SESN1: variants seen among roughly 807,000 people sequenced by gnomAD.
The protein encoded by SESN1 is sestrin 1.
Under a neutral mutation model 59.3 loss-of-function variants are expected in SESN1, and 30 were observed. The observed-to-expected ratio is 0.51, with a 90% confidence interval of 0.38 to 0.69. SESN1 has a LOEUF of 0.69. Among genes scored for constraint, SESN1 ranks in the 30% least tolerant of loss-of-function variants. SESN1 has a pLI of 0.00. For synonymous variants in SESN1, 197 were observed against 219.9 expected (o/e 0.90, Z 0.92); for missense variants, 566 against 673.0 (o/e 0.84, Z 1.76).
chr6:109,082,425 T>C (rs1781139231), intron 1 of SESN1, among the ~76,000 whole-genome samples: 1 of 152,220 alleles, frequency 6.6e-6, no homozygotes, highest in South Asian at 2.1e-4. Context: ...TTATGTAACT[T>C]GCCCAGTCAC....
At chr6:108,988,198 A>G (rs1779253556) in intron 9 of SESN1, among the ~76,000 whole-genome samples, 1 of 152,162 alleles carries the variant, frequency 6.6e-6, no homozygotes, top group African/African-American at 2.4e-5. Flanking sequence ...CAGAATAGCA[A>G]CTTCCCCTGC....
At chr6:109,001,729 CAG>C (rs1779630103) in intron 2 of SESN1, among the ~76,000 whole-genome samples, 7 of 152,138 alleles carry the variant, frequency 4.6e-5, no homozygotes, top group Admixed American at 4.6e-4. Context: ...AGGCTGCTTG[CAG>C]AGTTGGCCAG....
intron 1 of SESN1, among the ~76,000 whole-genome samples, chr6:109,077,473 G>A (rs1220228997): frequency 6.6e-6 from 1 of 152,186 alleles, no homozygotes; most frequent in East Asian, 1.9e-4. Context: ...GCAGGGAAAT[G>A]AGACTTCAGA....
intron 1 of SESN1, among the ~76,000 whole-genome samples, chr6:109,047,376 C>G (rs1780467666): frequency 7.3e-6 from 1 of 136,652 alleles, no homozygotes; most frequent in Non-Finnish European, 1.6e-5. Context: ...GCCAGCCGCC[C>G]CGTCCGGGAG....
rs757828546 is a variant in SESN1, at chr6:109,094,052, C to T, written c.22G>A (p.Val8Met). 31 of 1,613,636 alleles carry T rather than the reference C, an allele frequency of 1.9e-5. 1 individual carries two copies. In the South Asian group the frequency reaches 3.4e-4, roughly 18 times the overall value. ...CTGCTGCAGAGTCCATCCCATCTCA[C>T]TTCATTCTCTCCTTCAGCCATGACA... MAEGENEVRWDGLCSRDS... is the reference protein window; with the variant it reads MAEGENEMRWDGLCSRDS... Residue 8 changes from valine to methionine, a missense_variant, in exon 1 of 10, where the codon GTG (valine) becomes ATG (methionine). Physicochemically the swap from Val to Met is conservative, Grantham distance 21. Transcript: ENST00000436639.
intron 1 of SESN1, among the ~76,000 whole-genome samples, chr6:109,070,549 A>C (rs937913118): frequency 4.3e-4 from 65 of 152,192 alleles, no homozygotes; most frequent in Non-Finnish European, 8.7e-4. Flanking sequence ...GCCAGGGCCC[A>C]CCAGTTGAAA....
intron 1 of SESN1, among the ~76,000 whole-genome samples, chr6:109,048,062 C>T (rs1780481337): frequency 6.7e-6 from 1 of 149,478 alleles, no homozygotes. Context: ...CCAAATCCCC[C>T]TCTGTGAGAA....
At chr6:109,017,995 C>A (rs1035837572) in intron 1 of SESN1, among the ~76,000 whole-genome samples, 3 of 152,108 alleles carry the variant, frequency 2.0e-5, no homozygotes, top group Non-Finnish European at 4.4e-5. Context: ...GGCGAGAACC[C>A]TGTCTCTTTC....
At chr6:109,068,105 G>C (rs1183005135) in intron 1 of SESN1, among the ~76,000 whole-genome samples, 1 of 152,030 alleles carries the variant, frequency 6.6e-6, no homozygotes, top group Non-Finnish European at 1.5e-5. Context: ...CTGAAGTTTG[G>C]GGGGGACAGT....
At chr6:109,006,379 A>C (rs1583268598) in intron 1 of SESN1, among the ~76,000 whole-genome samples, 1 of 152,144 alleles carries the variant, frequency 6.6e-6, no homozygotes, top group East Asian at 1.9e-4. Flanking sequence ...TGCATGTGCC[A>C]TGTTGGTTTG....
chr6:109,054,809 G>T (rs1327856363), intron 1 of SESN1, among the ~76,000 whole-genome samples: 2 of 151,958 alleles, frequency 1.3e-5, no homozygotes, highest in Non-Finnish European at 2.9e-5. Flanking sequence ...CCAACTTGTG[G>T]TTTATATTTT....
At chr6:108,998,842 ACATGAGTCAT>A in intron 4 of SESN1, 87 bp from the exon 5 acceptor site, 1 of 1,418,864 alleles carries the variant, frequency 7.0e-7, no homozygotes, top group South Asian at 1.4e-5. Flanking sequence ...TTTATTGAAA[ACATGAGTCAT>A]CATACAAAGC....
chr6:109,073,467 A>G (rs1019068595), intron 1 of SESN1, among the ~76,000 whole-genome samples: 10 of 152,222 alleles, frequency 6.6e-5, no homozygotes, highest in East Asian at 1.9e-4. Flanking sequence ...CTTTAAAAAC[A>G]TAAGTGTTGT....
At chr6:109,081,579 C>G (rs1158662711) in intron 1 of SESN1, among the ~76,000 whole-genome samples, 1 of 152,134 alleles carries the variant, frequency 6.6e-6, no homozygotes, top group African/African-American at 2.4e-5. Context: ...TTCTTGTTTT[C>G]AAAAGCATAC....
At chr6:109,011,052 T>C (rs1779849477) in intron 1 of SESN1, among the ~76,000 whole-genome samples, 1 of 152,244 alleles carries the variant, frequency 6.6e-6, no homozygotes, top group Non-Finnish European at 1.5e-5. Context: ...TGAGGTATGA[T>C]TTTATTTCTG....
At chr6:109,082,378 G>A (rs961374595) in intron 1 of SESN1, among the ~76,000 whole-genome samples, 3 of 152,086 alleles carry the variant, frequency 2.0e-5, no homozygotes, top group African/African-American at 7.2e-5. Flanking sequence ...AGTAAGCATT[G>A]CTCATAACTC....
At chr6:109,017,675 A>G (rs1050969339) in intron 1 of SESN1, among the ~76,000 whole-genome samples, 3 of 152,170 alleles carry the variant, frequency 2.0e-5, no homozygotes, top group African/African-American at 7.2e-5. Context: ...ACTTACATAA[A>G]TCATACAGAT....
intron 1 of SESN1, among the ~76,000 whole-genome samples, chr6:109,011,460 T>C (rs1779856594): frequency 6.6e-6 from 1 of 152,148 alleles, no homozygotes; most frequent in South Asian, 2.1e-4. Flanking sequence ...AAGATTCCTT[T>C]ATGGTCTCTA....
At chr6:109,022,510 C>T (rs1382792954) in intron 1 of SESN1, among the ~76,000 whole-genome samples, 1 of 145,898 alleles carries the variant, frequency 6.9e-6, no homozygotes, top group Non-Finnish European at 1.5e-5. Context: ...GCAAGCTCCA[C>T]CTCCCGGGTT....
Sources: allele counts gnomAD v4.1 joint callset (sites outside exome capture counted in the v4.1 genomes callset), GRCh38; gene constraint gnomAD v4.1.1; transcripts MANE v1.5; gene names NCBI Gene and HGNC (gene_info 2026-07-23, HGNC 2026-07-21).